Variants in ZRANB3 observed in about 807,000 individuals in gnomAD.
The protein encoded by ZRANB3 is zinc finger RANBP2-type containing 3, also known as DNA annealing helicase and endonuclease ZRANB3.
Under a neutral mutation model 133.8 loss-of-function variants are expected in ZRANB3, and 125 were observed. That is an observed-to-expected ratio of 0.93 (90% CI 0.81 to 1.08). The LOEUF (loss-of-function observed/expected upper bound fraction) is 1.08. ZRANB3 is among the 50% of genes least tolerant of loss of function. The pLI is 0.00. For synonymous variants in ZRANB3, 387 were observed against 432.7 expected (o/e 0.89, Z 1.31); for missense variants, 1,229 against 1,275.5 (o/e 0.96, Z 0.56).
chr2:135,489,592 A>G (rs368841026), intron 2 of ZRANB3, among the ~76,000 whole-genome samples: 4 of 152,112 alleles, frequency 2.6e-5, no homozygotes, highest in South Asian at 4.1e-4. Flanking sequence ...CTATGGTCAA[A>G]AAGATGAAGA....
At chr2:135,441,731 C>T (rs926375311) in intron 2 of ZRANB3, among the ~76,000 whole-genome samples, 4 of 151,936 alleles carry the variant, frequency 2.6e-5, no homozygotes, top group East Asian at 1.9e-4. Context: ...CAATGTTAAA[C>T]TCAAGTAGAC....
intron 15 of ZRANB3, among the ~76,000 whole-genome samples, chr2:135,219,698 G>A (rs991332123): frequency 6.6e-6 from 1 of 152,116 alleles, no homozygotes; most frequent in African/African-American, 2.4e-5. Context: ...ACAGGAACAA[G>A]GAAGTAAAGA....
At chr2:135,224,726 A>G (rs1694692645) in intron 14 of ZRANB3, among the ~76,000 whole-genome samples, 1 of 152,210 alleles carries the variant, frequency 6.6e-6, no homozygotes, top group Admixed American at 6.5e-5. Context: ...ATTGTTTTAC[A>G]TTTTTGCTAA....
intron 2 of ZRANB3, among the ~76,000 whole-genome samples, chr2:135,392,984 C>T (rs1481944551): frequency 1.3e-5 from 2 of 151,696 alleles, no homozygotes; most frequent in Non-Finnish European, 2.9e-5. Flanking sequence ...GATCCTACCA[C>T]CTCAGCCTCC....
chr2:135,354,617 C>T (rs1044348257), intron 3 of ZRANB3, among the ~76,000 whole-genome samples: 2 of 151,960 alleles, frequency 1.3e-5, no homozygotes, highest in African/African-American at 4.8e-5. Context: ...TGAACTCATG[C>T]TCTACACAAC....
At chr2:135,208,772 G>A (rs1227424412) in intron 18 of ZRANB3, 96 bp downstream of exon 18, 1 of 1,033,914 alleles carries the variant, frequency 9.7e-7, no homozygotes, top group Non-Finnish European at 1.4e-6. Context: ...CCTCTAAAGT[G>A]GTCATGCAAA....
rs1688538730 is a variant in ZRANB3, at chr2:135,415,747, A to C, written c.162-24927T>G. On this transcript the variant is annotated intron_variant, in intron 2 of 20. Coordinates refer to ENST00000264159, the MANE Select transcript of ZRANB3 (RefSeq NM_032143.4). ...AACCGAATCCAGCAGCACATCAAAA[A>C]GCTTACCCACCATGATCAAGTGGGC... Among the ~76,000 whole-genome samples the C allele has an allele frequency of 2.6e-5, 4 of 152,204 alleles. No individual in the cohort carries two copies. The South Asian group carries it at 8.3e-4, about 32-fold the overall frequency.
At chr2:135,450,050 G>T (rs1199894944) in intron 2 of ZRANB3, among the ~76,000 whole-genome samples, 1 of 152,112 alleles carries the variant, frequency 6.6e-6, no homozygotes, top group African/African-American at 2.4e-5. Context: ...TCCACATTTT[G>T]TAATGAGTAA....
intron 12 of ZRANB3, among the ~76,000 whole-genome samples, chr2:135,257,337 T>C (rs1679710867): frequency 1.3e-5 from 2 of 152,206 alleles, no homozygotes; most frequent in African/African-American, 2.4e-5. Flanking sequence ...TGTTTACCCA[T>C]TCATCAATTT....
rs961302725 is a variant in ZRANB3 at position 135,198,745 on chromosome 2, A to G, written c.*1597T>C. The G allele has an allele frequency of 6.6e-6, 1 of 152,228 alleles. No homozygotes were observed. Among genetic ancestry groups the G allele is most frequent in the Non-Finnish European group, 1.5e-5 (1 of 68,040 alleles). The allele number at this position is 152,228 out of a possible 1,614,324, so 9.4% of individuals were successfully genotyped here. ...AACTGCAAAGAGCACCTGACCAACT[A>G]AGCAGAAAGGAGGCCAAAGAAAGCC... On this transcript the variant is annotated 3_prime_UTR_variant, in exon 21 of 21. Transcript: ENST00000264159.
chr2:135,253,305 C>T lies in ZRANB3; in HGVS notation c.1539+12229G>A, dbSNP rs549313474. 2.6e-5 allele frequency among the ~76,000 whole-genome samples: 4 copies of T among 152,262 alleles called. No individual in the cohort carries two copies. In the South Asian group the frequency reaches 8.3e-4, roughly 32 times the overall value. On this transcript the variant is annotated intron_variant, in intron 12 of 20. Transcript: ENST00000264159. ...AGGAGAGGCATGCCTCCTGGGGGAA[C>T]AGTAACTCACCTACCTTGAACTGTG...
chr2:135,505,577 GA>G (rs201142526), intron 1 of ZRANB3, among the ~76,000 whole-genome samples: 1,829 of 138,366 alleles, frequency 0.013, 16 homozygotes, highest in Admixed American at 0.018. Flanking sequence ...CTGTCTCAAG[GA>G]AAAAAAAAAA....
chr2:135,477,712 G>A (rs537966148), intron 2 of ZRANB3, among the ~76,000 whole-genome samples: 4 of 152,292 alleles, frequency 2.6e-5, no homozygotes, highest in South Asian at 2.1e-4. Flanking sequence ...AAATACAGTA[G>A]GCCAGGTGTG....
intron 2 of ZRANB3, among the ~76,000 whole-genome samples, chr2:135,480,766 C>T: frequency 9.2e-6 from 1 of 108,670 alleles, no homozygotes; most frequent in East Asian, 3.3e-4. Context: ...CCTCCCCCCT[C>T]CCCCCACCCG....
At chr2:135,495,209 CAG>C (rs974707968) in intron 2 of ZRANB3, among the ~76,000 whole-genome samples, 1 of 151,714 alleles carries the variant, frequency 6.6e-6, no homozygotes, top group African/African-American at 2.4e-5. Flanking sequence ...GCCTACGTGA[CAG>C]AGTGAGATCA....
At chr2:135,332,782 C>T (rs186462256) in intron 6 of ZRANB3, among the ~76,000 whole-genome samples, 2 of 152,310 alleles carry the variant, frequency 1.3e-5, no homozygotes, top group Admixed American at 1.3e-4. Context: ...TGCATCAATA[C>T]ATTTCAGTCA....
chr2:135,218,924 C>A (rs563759959), intron 16 of ZRANB3, among the ~76,000 whole-genome samples, 153 bp downstream of exon 16: 41 of 152,246 alleles, frequency 2.7e-4, no homozygotes, highest in Middle Eastern at 3.4e-3. Context: ...AATTAATAGG[C>A]ACCACCTAGA....
intron 2 of ZRANB3, among the ~76,000 whole-genome samples, chr2:135,407,959 C>A (rs1182830892): frequency 6.7e-6 from 1 of 149,622 alleles, no homozygotes; most frequent in East Asian, 1.9e-4. Flanking sequence ...GCAACAAAAG[C>A]CAAAATTGTC....
At chr2:135,425,785 T>G (rs139750701) in intron 2 of ZRANB3, among the ~76,000 whole-genome samples, 4 of 148,252 alleles carry the variant, frequency 2.7e-5, no homozygotes, top group African/African-American at 1.0e-4. Flanking sequence ...CAAGAGGAAA[T>G]AGAGAAACAA....
Sources: allele counts gnomAD v4.1 joint callset (sites outside exome capture counted in the v4.1 genomes callset), GRCh38; gene constraint gnomAD v4.1.1; transcripts MANE v1.5; gene names NCBI Gene and HGNC (gene_info 2026-07-23, HGNC 2026-07-21).